Variants in SPATA6L observed in about 807,000 individuals in gnomAD.
SPATA6L encodes spermatogenesis associated 6 like, also known as spermatogenesis associated 6-like protein.
In SPATA6L, 68 loss-of-function variants were observed where a neutral mutation model predicts 49.2. The observed-to-expected ratio is 1.38, with a 90% CI of 1.14 to 1.69. SPATA6L has a LOEUF of 1.69. Among genes scored for constraint, SPATA6L ranks in the 40% most tolerant of loss-of-function variants. The pLI, the probability that SPATA6L is intolerant of heterozygous loss-of-function variation, is 0.00. For synonymous variants in SPATA6L, 198 were observed against 165.7 expected, an observed-to-expected ratio of 1.19 and a Z score of -1.50; for missense variants, 668 against 464.3, an observed-to-expected ratio of 1.44 and a Z score of -4.03.
intron 3 of SPATA6L, among the ~76,000 whole-genome samples, chr9:4,654,026 T>A (rs1222348054): frequency 6.6e-6 from 1 of 152,084 alleles, no homozygotes. Context: ...AATACACAAA[T>A]GGCCAAATAT....
At chr9:4,626,504 T>G in intron 5 of SPATA6L, 1 of 1,304,394 alleles carries the variant, frequency 7.7e-7, no homozygotes, top group South Asian at 1.2e-5. Flanking sequence ...AGTTTCTTCT[T>G]TAAGCTTCTG....
At chr9:4,624,274 G>C (rs1230278644) in intron 6 of SPATA6L, among the ~76,000 whole-genome samples, 1 of 152,284 alleles carries the variant, frequency 6.6e-6, no homozygotes, top group East Asian at 1.9e-4. Context: ...TGTATATACA[G>C]TATAATTACA....
chr9:4,632,993 A>G (rs145630623), intron 4 of SPATA6L: 2 of 152,460 alleles, frequency 1.3e-5, no homozygotes, highest in African/African-American at 4.8e-5. Context: ...TTACTTGGTT[A>G]GACATCAAAA....
chr9:4,649,359 T>A (rs181703258), intron 3 of SPATA6L, among the ~76,000 whole-genome samples: 2 of 152,362 alleles, frequency 1.3e-5, no homozygotes, highest in Admixed American at 1.3e-4. Flanking sequence ...TGTAGAAGTA[T>A]TACCTGTTCA....
chr9:4,613,426 A>C (rs926199265), intron 9 of SPATA6L, among the ~76,000 whole-genome samples: 1 of 151,938 alleles, frequency 6.6e-6, no homozygotes, highest in Non-Finnish European at 1.5e-5. Context: ...CTCTGTGACA[A>C]GCATGTCCCA....
At chr9:4,627,781 C>T in intron 5 of SPATA6L, 1 of 1,289,332 alleles carries the variant, frequency 7.8e-7, no homozygotes, top group Non-Finnish European at 1.0e-6. Context: ...ACAATCCGAG[C>T]ATCAGCCTCA....
chr9:4,637,545 T>G (rs1210570056), intron 3 of SPATA6L, among the ~76,000 whole-genome samples: 2 of 152,198 alleles, frequency 1.3e-5, no homozygotes, highest in Non-Finnish European at 2.9e-5. Flanking sequence ...AGGTGTGAAC[T>G]CAGAGCAGTT....
intron 9 of SPATA6L, among the ~76,000 whole-genome samples, chr9:4,611,317 T>G (rs1419646592): frequency 1.4e-5 from 2 of 148,080 alleles, no homozygotes; most frequent in Non-Finnish European, 2.9e-5. Flanking sequence ...CAAAGGACTA[T>G]AAATCATGCT....
intron 4 of SPATA6L, among the ~76,000 whole-genome samples, chr9:4,629,691 T>C (rs1831083064): frequency 6.6e-6 from 1 of 150,970 alleles, no homozygotes; most frequent in African/African-American, 2.4e-5. Flanking sequence ...TTTTGTTTCA[T>C]TGATTTTTCT....
At chr9:4,626,549 C>T in intron 5 of SPATA6L, 2 of 1,303,960 alleles carry the variant, frequency 1.5e-6, no homozygotes, top group South Asian at 2.5e-5. Flanking sequence ...CCTTTGTTTC[C>T]CCAGCCCTAG....
At position 4,662,689 on chromosome 9, in the gene SPATA6L, C is replaced by G. The variant is rs764688492; in HGVS notation, c.40-653G>C. ...TCCTTCCTGGGCATCGCCCTGCGCT[C>G]CCTGCTGGCCATCGACCTGTGGCTG... On this transcript the variant is annotated intron_variant, in intron 1 of 11. Transcript: ENST00000682582. The surrounding 1 kb of genome is among the most constrained non-coding windows in gnomAD (Gnocchi z 4.9). The G allele has an allele frequency of 1.9e-6, 3 of 1,600,958 alleles. No individual in the cohort carries two copies. Among genetic ancestry groups the G allele is most frequent in the Admixed American group, 1.7e-5 (1 of 60,028 alleles).
At chr9:4,630,734 T>C (rs368948127) in intron 4 of SPATA6L, among the ~76,000 whole-genome samples, 2 of 152,232 alleles carry the variant, frequency 1.3e-5, no homozygotes, top group African/African-American at 4.8e-5. Context: ...AGCCAACACC[T>C]ACTGCATGCT....
At chr9:4,602,311 G>C (rs958986945) in intron 11 of SPATA6L, among the ~76,000 whole-genome samples, 1 of 151,994 alleles carries the variant, frequency 6.6e-6, no homozygotes, top group Non-Finnish European at 1.5e-5. Flanking sequence ...TAATTGCCTA[G>C]ACGGCAATTA....
intron 7 of SPATA6L, among the ~76,000 whole-genome samples, chr9:4,622,136 C>T (rs116198344): frequency 2.6e-3 from 395 of 152,274 alleles, no homozygotes; most frequent in African/African-American, 8.8e-3. Context: ...TCTGCTTCCC[C>T]GGAACAGCCA....
chr9:4,609,158 C>T (rs986606761), intron 9 of SPATA6L, among the ~76,000 whole-genome samples: 1 of 151,554 alleles, frequency 6.6e-6, no homozygotes, highest in African/African-American at 2.4e-5. Flanking sequence ...TAATCAATAG[C>T]TTACCAACCA....
At chr9:4,652,927 G>A (rs1257018530) in intron 3 of SPATA6L, among the ~76,000 whole-genome samples, 1 of 150,894 alleles carries the variant, frequency 6.6e-6, no homozygotes, top group African/African-American at 2.4e-5. Context: ...CAAAAATATT[G>A]TTAAGGTGAC....
chr9:4,638,797 T>TTC (rs1833406219), intron 3 of SPATA6L, among the ~76,000 whole-genome samples: 1 of 113,000 alleles, frequency 8.8e-6, no homozygotes, highest in Non-Finnish European at 1.7e-5. Flanking sequence ...TTTCTTTTTT[T>TTC]TTTTTGAGAT....
rs1193155421 is a variant in SPATA6L at position 4,625,499 on chromosome 9, A to G, written c.497T>C (p.Ile166Thr). The change falls in exon 6 of 12, where the codon ATA becomes ACA. Residue 166 changes from isoleucine to threonine, a missense_variant. Coordinates refer to ENST00000682582, the MANE Select transcript of SPATA6L (RefSeq NM_001353486.2). ...ATTATTCTCCTTTAGTTTCATCTTT[A>G]TAGTATTTAAGGGAAATATTGGTTC... is the stretch of plus-strand genomic sequence containing the variant. ...SHEPIFPLNT[I>T]KMKLKENNLN... 2 of 1,613,884 alleles carry G rather than the reference A, an allele frequency of 1.2e-6. No homozygotes were observed. Among genetic ancestry groups the G allele is most frequent in the Admixed American group, 1.7e-5 (1 of 59,980 alleles).
chr9:4,617,923 C>G lies in SPATA6L; in HGVS notation c.995G>C (p.Arg332Thr), dbSNP rs1347852476. 1.2e-6 allele frequency: 2 copies of G among 1,604,674 alleles called. No individual in the cohort carries two copies. Among genetic ancestry groups the G allele is most frequent in the East Asian group, 2.2e-5 (1 of 44,586 alleles). ...GPLDQPLLRE[R>T]FHPGSQSTWK... Reference sequence around the variant, plus strand: ...AAACAGATGGGTGCTTGCCACTGACCTTTCTCTGAGAAGGGGCTGATCCAA... The same window carrying G: ...AAACAGATGGGTGCTTGCCACTGACGTTTCTCTGAGAAGGGGCTGATCCAA... The change falls in exon 9 of 12, where the codon AGG becomes ACG. Residue 332 changes from arginine to threonine, a missense_variant and splice_region_variant. Coordinates refer to ENST00000682582, the MANE Select transcript of SPATA6L (RefSeq NM_001353486.2).
Sources: allele counts gnomAD v4.1 joint callset (sites outside exome capture counted in the v4.1 genomes callset), GRCh38; gene constraint gnomAD v4.1.1; non-coding constraint Gnocchi (gnomAD v3.1); transcripts MANE v1.5; gene names NCBI Gene and HGNC (gene_info 2026-07-23, HGNC 2026-07-21).